NRXN3: variants seen among roughly 807,000 people sequenced by gnomAD.
NRXN3 encodes neurexin 3.
In NRXN3, 32 loss-of-function variants were observed where a neutral mutation model predicts 137.6. The ratio of observed to expected loss-of-function variants is 0.23; its 90% CI spans 0.18 to 0.31. NRXN3 has a LOEUF of 0.31. NRXN3 is among the 10% of genes least tolerant of loss of function. The probability of loss-of-function intolerance (pLI) is 1.00; values close to 1 mark genes in which losing one functional copy is unlikely to be tolerated. For synonymous variants in NRXN3, 798 were observed against 784.5 expected, an observed-to-expected ratio of 1.02 and a Z score of -0.29; for missense variants, 1,574 against 2,062.5, an observed-to-expected ratio of 0.76 and a Z score of 4.59.
intron 10 of NRXN3, among the ~76,000 whole-genome samples, chr14:78,913,584 A>G (rs1391393844): frequency 6.6e-6 from 1 of 151,982 alleles, no homozygotes; most frequent in Non-Finnish European, 1.5e-5. Flanking sequence ...GGCCACCTCT[A>G]AGATATTAAC....
chr14:79,852,581 G>A (rs962673308), intron 20 of NRXN3, among the ~76,000 whole-genome samples: 9 of 151,850 alleles, frequency 5.9e-5, no homozygotes, highest in South Asian at 2.1e-4. Context: ...CAGACTGCAC[G>A]CCCTTTTTAT....
chr14:78,687,925 C>T (rs1166832169), intron 6 of NRXN3, among the ~76,000 whole-genome samples: 2 of 152,156 alleles, frequency 1.3e-5, no homozygotes, highest in African/African-American at 2.4e-5. Context: ...ACCAATGACT[C>T]TATAGTATCT....
chr14:79,808,865 C>T (rs963923565), intron 20 of NRXN3, among the ~76,000 whole-genome samples: 1 of 152,022 alleles, frequency 6.6e-6, no homozygotes, highest in African/African-American at 2.4e-5. Flanking sequence ...TAAGCAATCG[C>T]CTTTCACTCT....
At position 79,005,261 on chromosome 14, in the gene NRXN3, T is replaced by C. The variant is rs7161074; in HGVS notation, c.3262+17120T>C. Among the ~76,000 whole-genome samples the C allele has an allele frequency of 7.4e-3, 1,125 of 152,314 alleles. 12 individuals carry two copies. The highest frequency in any genetic ancestry group is 0.026 in the African/African-American group (1,081 of 41,578). On this transcript the variant is annotated intron_variant, in intron 15 of 20. Coordinates refer to ENST00000335750, the MANE Select transcript of NRXN3 (RefSeq NM_001330195.2). ...TATCCAAATTCCAAAGACATTCCCT[T>C]GCTCGGTTTCTTGGCCCCTGCCTTA...
At chr14:78,728,891 T>C (rs549133244) in intron 8 of NRXN3, among the ~76,000 whole-genome samples, 1 of 152,070 alleles carries the variant, frequency 6.6e-6, no homozygotes, top group Non-Finnish European at 1.5e-5. Context: ...AGAGGGAGAC[T>C]CCATCTCAAA....
intron 16 of NRXN3, among the ~76,000 whole-genome samples, chr14:79,592,940 T>C (rs999229551): frequency 1.4e-4 from 21 of 152,336 alleles, no homozygotes; most frequent in Middle Eastern, 3.4e-3. Context: ...CTGATGGAAC[T>C]TAGGATCTTA....
chr14:79,317,195 G>A (rs866807134), intron 15 of NRXN3, among the ~76,000 whole-genome samples: 1 of 152,062 alleles, frequency 6.6e-6, no homozygotes, highest in Non-Finnish European at 1.5e-5. Context: ...TCGTGCCACT[G>A]CACTCCAGCC....
At position 79,688,076 on chromosome 14, in the gene NRXN3, A is replaced by G. The variant is rs182532858; in HGVS notation, c.3617-4097A>G. On this transcript the variant is annotated intron_variant, in intron 17 of 20. Transcript: ENST00000335750. ...ATGAAGGACTGGTAAGTGGGACCAA[A>G]TAGAATATGGTCATCTTTTGAATGA... Among the ~76,000 whole-genome samples the G allele has an allele frequency of 5.1e-4, 78 of 152,230 alleles. 1 individual carries two copies. In the Middle Eastern group the frequency reaches 0.027, roughly 53 times the overall value.
intron 16 of NRXN3, among the ~76,000 whole-genome samples, chr14:79,587,789 T>C (rs1250892470): frequency 2.0e-5 from 3 of 152,252 alleles, no homozygotes; most frequent in Admixed American, 6.5e-5. Context: ...ATCAGTAGAC[T>C]GTCCATAGTG....
At chr14:78,478,766 G>A (rs1405119904) in intron 4 of NRXN3, among the ~76,000 whole-genome samples, 4 of 152,144 alleles carry the variant, frequency 2.6e-5, no homozygotes. Context: ...AAGACCGAGG[G>A]TAGGTAGCTT....
intron 20 of NRXN3, among the ~76,000 whole-genome samples, chr14:79,843,374 G>A (rs781251039): frequency 9.9e-5 from 15 of 152,168 alleles, no homozygotes; most frequent in Admixed American, 2.0e-4. Context: ...AGTATTCAGC[G>A]AATGTTTTTG....
At chr14:79,700,140 G>A (rs570852532) in intron 19 of NRXN3, among the ~76,000 whole-genome samples, 1 of 151,972 alleles carries the variant, frequency 6.6e-6, no homozygotes, top group Non-Finnish European at 1.5e-5. Context: ...CCTATGTTAG[G>A]ACTGGGGACC....
chr14:79,231,258 C>G (rs1031967449), intron 15 of NRXN3, among the ~76,000 whole-genome samples: 1 of 152,046 alleles, frequency 6.6e-6, no homozygotes, highest in Non-Finnish European at 1.5e-5. Flanking sequence ...TTTAAAATGA[C>G]TTTAGGGATC....
rs535719956 is a variant in NRXN3, at chr14:78,189,938, G to A, written c.-704+19264G>A. Among the ~76,000 whole-genome samples, 8 of 152,216 alleles carry A rather than the reference G, an allele frequency of 5.3e-5. 1 individual carries two copies. The South Asian group carries it at 6.2e-4, about 12-fold the overall frequency. On this transcript the variant is annotated intron_variant, in intron 1 of 20. Coordinates refer to ENST00000335750, the MANE Select transcript of NRXN3 (RefSeq NM_001330195.2). ...ACTTTCCTCCCCTAGCACTCTGGCC[G>A]TCCTTACCGTACTTCGTATTCATAG...
intron 19 of NRXN3, among the ~76,000 whole-genome samples, chr14:79,725,778 G>A (rs1023915190): frequency 2.0e-5 from 3 of 152,102 alleles, no homozygotes; most frequent in Admixed American, 2.0e-4. Context: ...TATATTACTG[G>A]ATCTCATTTC....
chr14:78,677,956 A>G (rs2098026857), intron 6 of NRXN3, among the ~76,000 whole-genome samples: 1 of 152,156 alleles, frequency 6.6e-6, no homozygotes, highest in African/African-American at 2.4e-5. Flanking sequence ...TAAGGTTTGT[A>G]CATTGTGTTT....
At chr14:78,186,519 C>G (rs760276960) in intron 1 of NRXN3, among the ~76,000 whole-genome samples, 2 of 152,256 alleles carry the variant, frequency 1.3e-5, no homozygotes, top group Non-Finnish European at 2.9e-5. Flanking sequence ...AATCGCTGCG[C>G]TGGTTTCCAT....
At chr14:79,334,120 G>C (rs1168161262) in intron 15 of NRXN3, among the ~76,000 whole-genome samples, 1 of 152,174 alleles carries the variant, frequency 6.6e-6, no homozygotes, top group African/African-American at 2.4e-5. Context: ...GTGAGGCCCA[G>C]GGGATGGGGC....
chr14:78,731,182 C>T (rs947096898), intron 8 of NRXN3, among the ~76,000 whole-genome samples: 6 of 151,996 alleles, frequency 3.9e-5, no homozygotes, highest in Admixed American at 2.6e-4. Flanking sequence ...TGAATCTTGA[C>T]TTTGGTAGGA....
Sources: allele counts gnomAD v4.1 joint callset (sites outside exome capture counted in the v4.1 genomes callset), GRCh38; gene constraint gnomAD v4.1.1; transcripts MANE v1.5; gene names NCBI Gene and HGNC (gene_info 2026-07-23, HGNC 2026-07-21).